PFKM: variants seen among roughly 807,000 people sequenced by gnomAD.
PFKM encodes the protein ATP-dependent 6-phosphofructokinase, muscle type.
A neutral mutation model predicts 95.5 loss-of-function variants in PFKM; 58 were observed. That is an observed-to-expected ratio of 0.61 (90% CI 0.49 to 0.76). PFKM has a LOEUF of 0.76. Ranked by LOEUF, PFKM falls within the 30% of genes least tolerant of loss-of-function variation. The pLI is 0.00. For synonymous variants in PFKM, 336 were observed against 357.2 expected (o/e 0.94, Z 0.67); for missense variants, 678 against 1,005.4 (o/e 0.67, Z 4.40).
chr12:48,121,579 A>G (rs1305366158), intron 1 of PFKM, among the ~76,000 whole-genome samples: 1 of 152,180 alleles, frequency 6.6e-6, no homozygotes, highest in Admixed American at 6.5e-5. Context: ...AATGCAGGGT[A>G]GAAGCAAGCA....
chr12:48,139,509 C>G, intron 12 of PFKM, 160 bp downstream of exon 12: 1 of 685,636 alleles, frequency 1.5e-6, no homozygotes, highest in Non-Finnish European at 2.6e-6. Context: ...TGTGAGGTGA[C>G]TGGGAGGCTC....
At chr12:48,142,422 G>C in intron 17 of PFKM, 2 of 433,140 alleles carry the variant, frequency 4.6e-6, no homozygotes, top group South Asian at 4.2e-5. Context: ...GCAGTGAGCA[G>C]AGATCGTGCC....
chr12:48,134,154 A>T, intron 6 of PFKM, 78 bp from the exon 7 acceptor site: 1 of 1,134,008 alleles, frequency 8.8e-7, no homozygotes, highest in African/African-American at 1.5e-5. Flanking sequence ...CAGAGAGGGT[A>T]ATTGGCCTAG....
At chr12:48,140,933 C>T (rs1950529965) in intron 14 of PFKM, 62 bp downstream of exon 14, 2 of 1,547,756 alleles carry the variant, frequency 1.3e-6, no homozygotes, top group South Asian at 2.2e-5. Context: ...GCAAGAATGA[C>T]CTGTCCATTC....
chr12:48,106,254 TAATTTCTC>T, intron 1 of PFKM: 1 of 616,678 alleles, frequency 1.6e-6, no homozygotes, highest in Middle Eastern at 2.6e-4. Flanking sequence ...AGACTAGTCG[TAATTTCTC>T]AGTACCCTTT....
intron 12 of PFKM, 111 bp from the exon 13 acceptor site, chr12:48,139,738 T>G: frequency 1.3e-6 from 1 of 777,114 alleles, no homozygotes. Context: ...TCCTCAGAGG[T>G]TTGCCCTATG....
chr12:48,140,426 A>G (rs573024418), intron 13 of PFKM, among the ~76,000 whole-genome samples: 3 of 152,336 alleles, frequency 2.0e-5, no homozygotes, highest in East Asian at 1.9e-4. Flanking sequence ...TGATCCAAGG[A>G]ACACACTTGG....
Position 48,140,790 on chromosome 12 carries a change from C to T in PFKM, c.1260C>T (p.Arg420=), listed in dbSNP as rs756454146. The change falls in exon 14 of 23, where the codon CGC becomes CGT. Residue 420 remains arginine (R), a synonymous_variant. Coordinates refer to ENST00000359794, the MANE Select transcript of PFKM (RefSeq NM_000289.6). Reference sequence around the variant, plus strand: ...CTGCAGGCATGAATGCTGCTGTTCGCTCCACTGTGAGGATTGGCCTTATCC... The same window carrying T: ...CTGCAGGCATGAATGCTGCTGTTCGTTCCACTGTGAGGATTGGCCTTATCC... ...APAAGMNAAV[R]STVRIGLIQG... The T allele has an allele frequency of 7.4e-6, 12 of 1,614,064 alleles. No individual in the cohort carries two copies. Among genetic ancestry groups the T allele is most frequent in the South Asian group, 1.1e-5 (1 of 91,090 alleles).
intron 14 of PFKM, 55 bp downstream of exon 14, chr12:48,140,926 A>G: frequency 1.3e-6 from 2 of 1,583,590 alleles, no homozygotes; most frequent in Admixed American, 1.7e-5. Context: ...AAGTGTAGCA[A>G]GAATGACCTG....
At chr12:48,143,469 A>G (rs1306194687) in intron 18 of PFKM, among the ~76,000 whole-genome samples, 3 of 152,226 alleles carry the variant, frequency 2.0e-5, no homozygotes, top group African/African-American at 7.2e-5. Context: ...GGGAACCAGA[A>G]AGGCTTGGAA....
At chr12:48,126,480 G>A (rs1948845241) in intron 2 of PFKM, among the ~76,000 whole-genome samples, 1 of 152,206 alleles carries the variant, frequency 6.6e-6, no homozygotes, top group Non-Finnish European at 1.5e-5. Flanking sequence ...TAAGAAGAAG[G>A]CAGAGGGAGA....
At chr12:48,141,133 G>C (rs1178633051) in intron 14 of PFKM, among the ~76,000 whole-genome samples, 178 bp from the exon 15 acceptor site, 1 of 152,186 alleles carries the variant, frequency 6.6e-6, no homozygotes, top group Non-Finnish European at 1.5e-5. Flanking sequence ...CTTAATATTT[G>C]TGAATGAGCA....
At chr12:48,140,536 T>C in intron 13 of PFKM, among the ~76,000 whole-genome samples, 186 bp from the exon 14 acceptor site, 1 of 152,250 alleles carries the variant, frequency 6.6e-6, no homozygotes, top group East Asian at 1.9e-4. Flanking sequence ...AGAATTTTGC[T>C]TCCATGTATG....
chr12:48,121,467 T>C (rs1236935240), intron 1 of PFKM, among the ~76,000 whole-genome samples: 5 of 152,230 alleles, frequency 3.3e-5, no homozygotes, highest in Non-Finnish European at 7.3e-5. Context: ...TGTTTGTGAA[T>C]GTATGTCTTC....
intron 2 of PFKM, among the ~76,000 whole-genome samples, chr12:48,124,366 A>C (rs890679527): frequency 1.3e-5 from 2 of 152,226 alleles, no homozygotes; most frequent in Non-Finnish European, 2.9e-5. Flanking sequence ...TTTAACATGT[A>C]CTTGAGCATT....
intron 11 of PFKM, among the ~76,000 whole-genome samples, chr12:48,138,754 T>C (rs1421858663): frequency 6.6e-6 from 1 of 152,178 alleles, no homozygotes; most frequent in African/African-American, 2.4e-5. Context: ...TGCCCATACT[T>C]CTAATAAACA....
chr12:48,133,255 T>C (rs1949704860), intron 5 of PFKM, 60 bp from the exon 6 acceptor site: 2 of 1,455,052 alleles, frequency 1.4e-6, no homozygotes, highest in African/African-American at 1.4e-5. Context: ...TCTAGATATC[T>C]CCTCTTTAGG....
Position 48,142,962 on chromosome 12 carries a change from GA to G in PFKM, c.1818+17del, listed in dbSNP as rs1167960349. On this transcript the variant is annotated intron_variant, in intron 18 of 22. Transcript: ENST00000359794. ...AGACCTGCAGGTAGCTGGCCACCCA[GA>G]GCCTGCTAGATAGCTCTCCCCTGTC... 6 of 1,610,434 alleles carry G rather than the reference GA, an allele frequency of 3.7e-6. No individual in the cohort carries two copies. Among genetic ancestry groups the G allele is most frequent in the Non-Finnish European group, 5.1e-6 (6 of 1,177,932 alleles).
At chr12:48,139,960 C>G (rs564658114) in intron 13 of PFKM, 48 bp downstream of exon 13, 2 of 1,236,162 alleles carry the variant, frequency 1.6e-6, no homozygotes, top group East Asian at 2.3e-5. Flanking sequence ...CTCCCTCCCC[C>G]AGTCTCTCTT....
Sources: allele counts gnomAD v4.1 joint callset (sites outside exome capture counted in the v4.1 genomes callset), GRCh38; gene constraint gnomAD v4.1.1; transcripts MANE v1.5; gene names NCBI Gene and HGNC (gene_info 2026-07-23, HGNC 2026-07-21).